CCDC85C: variants seen among roughly 807,000 people sequenced by gnomAD.
CCDC85C encodes the protein coiled-coil domain containing 85C.
Under a neutral mutation model 38.3 loss-of-function variants are expected in CCDC85C, and 18 were observed. That is an observed-to-expected ratio of 0.47 (90% confidence interval 0.33 to 0.70). CCDC85C has a LOEUF of 0.70. Ranked by LOEUF, CCDC85C falls within the 30% of genes least tolerant of loss-of-function variation. CCDC85C has a pLI of 0.03. For missense variants in CCDC85C, 566 were observed against 621.2 expected (o/e 0.91, Z 0.94); for synonymous variants, 264 against 293.8 (o/e 0.90, Z 1.04).
chr14:99,590,509 C>T (rs2055074340), intron 1 of CCDC85C, among the ~76,000 whole-genome samples: 1 of 152,084 alleles, frequency 6.6e-6, no homozygotes, highest in African/African-American at 2.4e-5. Flanking sequence ...CAGAGACCCC[C>T]TTGCCTGCCA....
At position 99,562,060 on chromosome 14, in the gene CCDC85C, TAGGG is replaced by T. The variant is rs368090836; in HGVS notation, c.794-25976_794-25973del. 3.7e-3 allele frequency among the ~76,000 whole-genome samples: 570 copies of T among 152,230 alleles called. 7 individuals carry two copies. The highest frequency in any genetic ancestry group is 0.013 in the African/African-American group (529 of 41,540). ...TCCACCTATTCACGGAAATGCCCGG[TAGGG>T]AGCCAGCCCAGTGTTACCCCACAGG... On this transcript the variant is annotated intron_variant, in intron 1 of 5. Transcript: ENST00000380243.
rs576365109 is a variant in CCDC85C at position 99,525,815 on chromosome 14, G to A, written c.868-3575C>T. Among the ~76,000 whole-genome samples the A allele has an allele frequency of 3.9e-5, 6 of 152,334 alleles. No individual in the cohort carries two copies. The South Asian group carries it at 1.0e-3, about 26-fold the overall frequency. Reference sequence around the variant, plus strand: ...AATGCCCTGGGAAGGAGTCCTCGTGGAGGGGCCACCTGGCGCGACTCTGGA... The same window carrying A: ...AATGCCCTGGGAAGGAGTCCTCGTGAAGGGGCCACCTGGCGCGACTCTGGA... On this transcript the variant is annotated intron_variant, in intron 2 of 5. Coordinates refer to ENST00000380243, the MANE Select transcript of CCDC85C (RefSeq NM_001144995.2).
At chr14:99,547,587 A>G (rs1001379158) in intron 1 of CCDC85C, among the ~76,000 whole-genome samples, 2 of 152,134 alleles carry the variant, frequency 1.3e-5, no homozygotes, top group Non-Finnish European at 2.9e-5. Flanking sequence ...TAGCCTGGCC[A>G]ACATGGTGAA....
Position 99,565,530 on chromosome 14 carries a change from A to G in CCDC85C, c.794-29442T>C, listed in dbSNP as rs188061233. Among the ~76,000 whole-genome samples the G allele has an allele frequency of 5.9e-5, 9 of 152,336 alleles. No homozygotes were observed. In the East Asian group the frequency reaches 1.7e-3, roughly 29 times the overall value. ...GTTCTAGAATAACTGGAAGCCTAAA[A>G]ATTAGGTTGGTCACATGCTCCAGGT... is the stretch of plus-strand genomic sequence containing the variant. On this transcript the variant is annotated intron_variant, in intron 1 of 5. Coordinates refer to ENST00000380243, the MANE Select transcript of CCDC85C (RefSeq NM_001144995.2).
At chr14:99,525,626 C>T (rs911020666) in intron 2 of CCDC85C, among the ~76,000 whole-genome samples, 6 of 152,244 alleles carry the variant, frequency 3.9e-5, no homozygotes, top group Non-Finnish European at 2.9e-5. Context: ...CCAGGCACCA[C>T]GCTGTGCCCC....
Position 99,602,818 on chromosome 14 carries a change from C to T in CCDC85C, c.793+349G>A, listed in dbSNP as rs1044231282. Among the ~76,000 whole-genome samples the T allele has an allele frequency of 5.9e-5, 9 of 152,200 alleles. No individual in the cohort carries two copies. In the South Asian group the frequency reaches 1.0e-3, roughly 18 times the overall value. On this transcript the variant is annotated intron_variant, in intron 1 of 5. Coordinates refer to ENST00000380243, the MANE Select transcript of CCDC85C (RefSeq NM_001144995.2). ...GTATCCTTTGCTGTTTAGAACTTCC[C>T]GCTACTAGGCAAGGATTTCCAAGGC... is the stretch of plus-strand genomic sequence containing the variant.
intron 1 of CCDC85C, among the ~76,000 whole-genome samples, chr14:99,552,913 C>A (rs903479222): frequency 6.6e-6 from 1 of 152,220 alleles, no homozygotes; most frequent in Non-Finnish European, 1.5e-5. Flanking sequence ...CAAAATAGGA[C>A]TAACAGACCA....
At chr14:99,527,192 G>A (rs1400422964) in intron 2 of CCDC85C, among the ~76,000 whole-genome samples, 1 of 152,240 alleles carries the variant, frequency 6.6e-6, no homozygotes, top group Non-Finnish European at 1.5e-5. Context: ...TGCTCTGGAA[G>A]GGGAGGTAGA....
chr14:99,515,692 A>G lies in CCDC85C; in HGVS notation c.1171-357T>C, dbSNP rs375649349. Among the ~76,000 whole-genome samples, 8 of 152,198 alleles carry G rather than the reference A, an allele frequency of 5.3e-5. No individual in the cohort carries two copies. The South Asian group carries it at 1.2e-3, about 24-fold the overall frequency. On this transcript the variant is annotated intron_variant, in intron 5 of 5. Coordinates refer to ENST00000380243, the MANE Select transcript of CCDC85C (RefSeq NM_001144995.2). Reference sequence around the variant, plus strand: ...AACTCCTTCCCCGATGGCTCCTGCAAGCACCCCCAAGGAGACCGCCGATGG... The same window carrying G: ...AACTCCTTCCCCGATGGCTCCTGCAGGCACCCCCAAGGAGACCGCCGATGG...
intron 1 of CCDC85C, among the ~76,000 whole-genome samples, chr14:99,538,092 T>C (rs115147188): frequency 6.6e-6 from 1 of 152,072 alleles, no homozygotes; most frequent in South Asian, 2.1e-4. Context: ...GGGTGGGGGG[T>C]ACCCACTGTC....
intron 1 of CCDC85C, among the ~76,000 whole-genome samples, chr14:99,586,089 C>G (rs533404126): frequency 2.6e-5 from 4 of 152,220 alleles, no homozygotes; most frequent in Admixed American, 1.3e-4. Flanking sequence ...AGATGAGGCT[C>G]CAAGGAGGGG....
At chr14:99,562,053 T>C (rs908593534) in intron 1 of CCDC85C, among the ~76,000 whole-genome samples, 3 of 152,028 alleles carry the variant, frequency 2.0e-5, no homozygotes, top group African/African-American at 4.8e-5. Context: ...TTCACGGAAA[T>C]GCCCGGTAGG....
Position 99,588,564 on chromosome 14 carries a change from C to T in CCDC85C, c.793+14603G>A, listed in dbSNP as rs369747745. ...CTCATTTTTATTCTGCTCCTGCTGGCGATGGCGCTGGCCCGGGAGGCCTGA... is the reference window on the plus strand; with the variant it reads ...CTCATTTTTATTCTGCTCCTGCTGGTGATGGCGCTGGCCCGGGAGGCCTGA... On this transcript the variant is annotated intron_variant, in intron 1 of 5. Transcript: ENST00000380243. The surrounding 1 kb of genome is among the most constrained non-coding windows in gnomAD (Gnocchi z 5.0). Among the ~76,000 whole-genome samples the T allele has an allele frequency of 7.2e-5, 11 of 152,196 alleles. No homozygotes were observed. In the East Asian group the frequency reaches 1.7e-3, roughly 24 times the overall value.
intron 2 of CCDC85C, chr14:99,522,750 G>A (rs1897320649): frequency 6.5e-6 from 1 of 154,390 alleles, no homozygotes; most frequent in Admixed American, 6.4e-5. Flanking sequence ...CGGATGGGCA[G>A]GGAGCTCCTA....
At chr14:99,597,492 C>T (rs1308951182) in intron 1 of CCDC85C, among the ~76,000 whole-genome samples, 1 of 152,174 alleles carries the variant, frequency 6.6e-6, no homozygotes, top group Admixed American at 6.5e-5. Flanking sequence ...CAGGAATGCC[C>T]CTTCTCAGTG....
In CCDC85C at chr14:99,603,118, AG is replaced by A; in HGVS notation, c.793+48del. On this transcript the variant is annotated intron_variant, in intron 1 of 5. Transcript: ENST00000380243. This position sits in a 1 kb window ranked among gnomAD's most constrained non-coding sequence, Gnocchi z 7.5. ...CCTCCTCTCGCCGCAGCCTGGGAAA[AG>A]GGCTGCAGCCAGGGAGACCCGCGCT... The A allele has an allele frequency of 7.8e-7, 1 of 1,280,386 alleles. No individual in the cohort carries two copies. The highest frequency in any genetic ancestry group is 9.9e-7 in the Non-Finnish European group (1 of 1,012,692). The allele number at this position is 1,280,386 out of a possible 1,614,324, so 79.3% of individuals were successfully genotyped here.
rs1167934834 is a variant in CCDC85C at position 99,513,198 on chromosome 14, A to C, written c.*2048T>G. 1 of 152,166 alleles carries C rather than the reference A, an allele frequency of 6.6e-6. No individual in the cohort carries two copies. The highest frequency in any genetic ancestry group is 6.5e-5 in the Admixed American group (1 of 15,276). The allele number at this position is 152,166 out of a possible 1,614,324, so 9.4% of individuals were successfully genotyped here. On this transcript the variant is annotated 3_prime_UTR_variant, in exon 6 of 6. Coordinates refer to ENST00000380243, the MANE Select transcript of CCDC85C (RefSeq NM_001144995.2). Reference sequence around the variant, plus strand: ...GGAGCCCGTACTTATTGCTTATTTCAGTGGTGGCCACGCCAACCTGACCCA... The same window carrying C: ...GGAGCCCGTACTTATTGCTTATTTCCGTGGTGGCCACGCCAACCTGACCCA...
At chr14:99,595,872 A>T (rs974415671) in intron 1 of CCDC85C, among the ~76,000 whole-genome samples, 5 of 152,226 alleles carry the variant, frequency 3.3e-5, no homozygotes, top group Admixed American at 6.5e-5. Flanking sequence ...GAGGCGAGTG[A>T]GAGAAAACCC....
At chr14:99,593,813 A>G (rs1379856879) in intron 1 of CCDC85C, among the ~76,000 whole-genome samples, 2 of 152,178 alleles carry the variant, frequency 1.3e-5, no homozygotes, top group African/African-American at 4.8e-5. Flanking sequence ...ACAGCCTCCA[A>G]TGACACCAGG....
Sources: gnomAD v4.1 joint callset for allele counts (sites outside exome capture counted in the v4.1 genomes callset) on GRCh38, gnomAD v4.1.1 for gene constraint, Gnocchi (gnomAD v3.1) non-coding constraint, MANE v1.5 for transcripts, NCBI Gene and HGNC (gene_info 2026-07-23, HGNC 2026-07-21) for gene names.